The following ATP6V1G3 variants were observed in gnomAD, a reference collection of about 807,000 sequenced individuals.
ATP6V1G3 encodes ATPase H+ transporting V1 subunit G3.
A neutral mutation model predicts 9.3 loss-of-function variants in ATP6V1G3; 9 were observed. The ratio of observed to expected loss-of-function variants is 0.97; its 90% CI spans 0.59 to 1.69. The LOEUF (loss-of-function observed/expected upper bound fraction) is 1.69. Among genes scored for constraint, ATP6V1G3 ranks in the 40% most tolerant of loss-of-function variants. The pLI is 0.00. For missense variants in ATP6V1G3, 133 were observed against 139.0 expected, an observed-to-expected ratio of 0.96 and a Z score of 0.22; for synonymous variants, 43 against 43.8, an observed-to-expected ratio of 0.98 and a Z score of 0.07.
At chr1:198,533,640 T>A (rs1397130384) in intron 1 of ATP6V1G3, among the ~76,000 whole-genome samples, 1 of 152,086 alleles carries the variant, frequency 6.6e-6, no homozygotes, top group Non-Finnish European at 1.5e-5. Context: ...AACTTAGAGA[T>A]CAGGGAAGCA....
In ATP6V1G3 at chr1:198,538,733, G is replaced by A. The variant is rs565914745; in HGVS notation, c.82+1836C>T. ...CAGCTGAACAACATGGCGAAACCCCGTCTCTACAAAAATACAAAAATTGGC... is the reference window on the plus strand; with the variant it reads ...CAGCTGAACAACATGGCGAAACCCCATCTCTACAAAAATACAAAAATTGGC... On this transcript the variant is annotated intron_variant, in intron 1 of 2. Transcript: ENST00000367382. 7.0e-5 allele frequency among the ~76,000 whole-genome samples: 10 copies of A among 143,788 alleles called. No homozygotes were observed. In the East Asian group the frequency reaches 1.0e-3, roughly 15 times the overall value. 94.3% of individuals were successfully genotyped at this position (143,788 alleles called of 152,430 possible).
At chr1:198,530,055 C>T (rs1659836315) in intron 1 of ATP6V1G3, among the ~76,000 whole-genome samples, 1 of 152,096 alleles carries the variant, frequency 6.6e-6, no homozygotes. Flanking sequence ...CCACCCACCA[C>T]CTTGGGGCTT....
intron 2 of ATP6V1G3, among the ~76,000 whole-genome samples, chr1:198,526,578 T>C (rs1169217152): frequency 6.6e-6 from 1 of 152,190 alleles, no homozygotes; most frequent in Non-Finnish European, 1.5e-5. Flanking sequence ...AACTGATGTA[T>C]AGCTTTACAG....
chr1:198,535,177 C>T (rs1660057467), intron 1 of ATP6V1G3, among the ~76,000 whole-genome samples: 1 of 151,956 alleles, frequency 6.6e-6, no homozygotes, highest in Non-Finnish European at 1.5e-5. Flanking sequence ...AAATGAAAGC[C>T]CAATACACTT....
At chr1:198,525,506 C>T (rs968949758) in intron 2 of ATP6V1G3, among the ~76,000 whole-genome samples, 2 of 151,986 alleles carry the variant, frequency 1.3e-5, no homozygotes, top group African/African-American at 4.8e-5. Context: ...GTGTGCAGAG[C>T]AGTTGTGTCT....
At chr1:198,536,538 C>A (rs953394824) in intron 1 of ATP6V1G3, 4 of 597,642 alleles carry the variant, frequency 6.7e-6, no homozygotes, top group Admixed American at 5.2e-5. Context: ...TAAAGTAGTG[C>A]AAACTACTGT....
chr1:198,538,015 C>T (rs183258037), intron 1 of ATP6V1G3, among the ~76,000 whole-genome samples: 4 of 152,160 alleles, frequency 2.6e-5, no homozygotes, highest in Non-Finnish European at 4.4e-5. Flanking sequence ...CTGACCTCAA[C>T]GCCTGTGGCT....
At chr1:198,536,816 A>T in intron 1 of ATP6V1G3, 1 of 983,618 alleles carries the variant, frequency 1.0e-6, no homozygotes, top group East Asian at 2.5e-5. Flanking sequence ...ACAAAAATAC[A>T]TGACATATAT....
At chr1:198,535,309 AGTCTT>A (rs1390627159) in intron 1 of ATP6V1G3, among the ~76,000 whole-genome samples, 2 of 152,160 alleles carry the variant, frequency 1.3e-5, no homozygotes, top group African/African-American at 4.8e-5. Flanking sequence ...GTTTATTAAA[AGTCTT>A]GTCTTTATGA....
chr1:198,536,689 C>T, intron 1 of ATP6V1G3: 1 of 1,605,074 alleles, frequency 6.2e-7, no homozygotes, highest in South Asian at 1.1e-5. Context: ...CAGAAGCAGT[C>T]CCAGTCTCTT....
At chr1:198,535,633 A>C (rs553571521) in intron 1 of ATP6V1G3, among the ~76,000 whole-genome samples, 1 of 152,274 alleles carries the variant, frequency 6.6e-6, no homozygotes, top group East Asian at 1.9e-4. Context: ...AAATAATATT[A>C]ACAGCTAAAA....
chr1:198,536,240 G>T (rs902418463), intron 1 of ATP6V1G3, among the ~76,000 whole-genome samples: 3 of 152,136 alleles, frequency 2.0e-5, no homozygotes, highest in African/African-American at 7.2e-5. Flanking sequence ...TTAAAAGTTT[G>T]CAATGGGTGT....
At chr1:198,534,404 G>T (rs1571718972) in intron 1 of ATP6V1G3, among the ~76,000 whole-genome samples, 1 of 152,242 alleles carries the variant, frequency 6.6e-6, no homozygotes, top group South Asian at 2.1e-4. Context: ...CAGGAAGGAG[G>T]CATGGGGGTT....
At chr1:198,535,316 T>C (rs1158777883) in intron 1 of ATP6V1G3, among the ~76,000 whole-genome samples, 1 of 152,158 alleles carries the variant, frequency 6.6e-6, no homozygotes, top group Non-Finnish European at 1.5e-5. Context: ...AAAAGTCTTG[T>C]CTTTATGAAC....
At chr1:198,536,611 T>C (rs1364518301) in intron 1 of ATP6V1G3, 1 of 1,336,890 alleles carries the variant, frequency 7.5e-7, no homozygotes, top group African/African-American at 1.5e-5. Flanking sequence ...AGTGAGAGCT[T>C]TAACTAATAA....
chr1:198,526,469 A>G (rs1001292461), intron 2 of ATP6V1G3, among the ~76,000 whole-genome samples: 2 of 152,130 alleles, frequency 1.3e-5, no homozygotes, highest in Non-Finnish European at 2.9e-5. Flanking sequence ...AGAATGTATA[A>G]GTTAGTAGTT....
rs1243829892 is a variant in ATP6V1G3, at chr1:198,523,365, T to G, written c.*26A>C. On this transcript the variant is annotated 3_prime_UTR_variant, in exon 3 of 3. Coordinates refer to ENST00000367382, the MANE Select transcript of ATP6V1G3 (RefSeq NM_001376861.1). ...ACCAGGTGGCACTCACACACCTTTT[T>G]TTTTCTTGAAAACTGTGATGTACAT... 1 of 1,599,574 alleles carries G rather than the reference T, an allele frequency of 6.3e-7. No homozygotes were observed. Among genetic ancestry groups the G allele is most frequent in the Non-Finnish European group, 8.5e-7 (1 of 1,173,448 alleles).
At chr1:198,525,623 A>G (rs1477380201) in intron 2 of ATP6V1G3, among the ~76,000 whole-genome samples, 1 of 152,144 alleles carries the variant, frequency 6.6e-6, no homozygotes, top group Non-Finnish European at 1.5e-5. Context: ...TTATTTTAGT[A>G]ATATATTTAA....
chr1:198,529,435 C>T (rs1467592354), intron 1 of ATP6V1G3, among the ~76,000 whole-genome samples: 3 of 151,520 alleles, frequency 2.0e-5, no homozygotes, highest in African/African-American at 7.3e-5. Context: ...TTATTGGATT[C>T]TTTAGGACAC....
Sources: gnomAD v4.1 joint callset for allele counts (sites outside exome capture counted in the v4.1 genomes callset) on GRCh38, gnomAD v4.1.1 for gene constraint, MANE v1.5 for transcripts, NCBI Gene and HGNC (gene_info 2026-07-23, HGNC 2026-07-21) for gene names.